The following APBB2 variants were observed in gnomAD, a reference collection of about 807,000 sequenced individuals.
APBB2 encodes amyloid beta precursor protein binding family B member 2, also known as Fe65-like 1.
APBB2 carries 38 observed loss-of-function variants against 82.5 expected under a neutral mutation model. The ratio of observed to expected loss-of-function variants is 0.46; its 90% CI spans 0.36 to 0.60. APBB2 has a LOEUF of 0.60. Ranked by LOEUF, APBB2 falls within the 20% of genes least tolerant of loss-of-function variation. APBB2 has a pLI of 0.00. For synonymous variants in APBB2, 341 were observed against 368.2 expected, an observed-to-expected ratio of 0.93 and a Z score of 0.85; for missense variants, 772 against 972.3, an observed-to-expected ratio of 0.79 and a Z score of 2.74.
intron 2 of APBB2, among the ~76,000 whole-genome samples, chr4:41,121,306 C>T (rs548869742): frequency 2.6e-4 from 39 of 152,320 alleles, no homozygotes; most frequent in African/African-American, 9.1e-4. Context: ...AAATGGAATG[C>T]GTAGAGCTAC....
intron 1 of APBB2, among the ~76,000 whole-genome samples, chr4:41,167,189 A>G (rs1766899512): frequency 6.6e-6 from 1 of 152,226 alleles, no homozygotes; most frequent in Non-Finnish European, 1.5e-5. Flanking sequence ...ACAGTTTCCA[A>G]GCCCTCCTGG....
intron 17 of APBB2, among the ~76,000 whole-genome samples, chr4:40,821,310 T>C (rs189724007): frequency 2.0e-5 from 3 of 152,356 alleles, no homozygotes; most frequent in Admixed American, 6.5e-5. Flanking sequence ...ACCTGGCAGC[T>C]TGGGGCTGAA....
intron 1 of APBB2, among the ~76,000 whole-genome samples, chr4:41,146,402 G>A (rs1200824784): frequency 1.3e-5 from 2 of 151,762 alleles, no homozygotes; most frequent in African/African-American, 4.8e-5. Flanking sequence ...GCTGAAGTGG[G>A]AGGATTGCTT....
At chr4:41,096,366 T>C (rs980792052) in intron 3 of APBB2, among the ~76,000 whole-genome samples, 2 of 152,208 alleles carry the variant, frequency 1.3e-5, no homozygotes, top group African/African-American at 4.8e-5. Flanking sequence ...AGAATTCCTG[T>C]GGACATCAAG....
chr4:41,190,509 A>G (rs1774151357), intron 1 of APBB2, among the ~76,000 whole-genome samples: 1 of 151,968 alleles, frequency 6.6e-6, no homozygotes, highest in Admixed American at 6.6e-5. Flanking sequence ...TCAGCCTCCC[A>G]AAGCTCTGGG....
chr4:41,130,723 C>G (rs1755724888), intron 2 of APBB2, among the ~76,000 whole-genome samples: 1 of 152,136 alleles, frequency 6.6e-6, no homozygotes, highest in Non-Finnish European at 1.5e-5. Flanking sequence ...AGAGGCCAGT[C>G]TCCTCGAGTG....
intron 3 of APBB2, among the ~76,000 whole-genome samples, chr4:41,079,170 T>C (rs1252173017): frequency 2.6e-5 from 4 of 152,242 alleles, no homozygotes; most frequent in Admixed American, 6.5e-5. Flanking sequence ...CTACCCAACA[T>C]AGAACTAATC....
chr4:41,138,371 T>C (rs1224279034), intron 2 of APBB2, among the ~76,000 whole-genome samples: 1 of 152,218 alleles, frequency 6.6e-6, no homozygotes, highest in African/African-American at 2.4e-5. Flanking sequence ...CAGTTTCCCA[T>C]ATTGATGCAA....
chr4:41,113,444 TTG>T (rs1273385205), intron 2 of APBB2, among the ~76,000 whole-genome samples: 2 of 152,110 alleles, frequency 1.3e-5, no homozygotes, highest in Non-Finnish European at 2.9e-5. Flanking sequence ...TTTGACTAAA[TTG>T]TCACTCATCT....
intron 3 of APBB2, among the ~76,000 whole-genome samples, chr4:41,088,552 G>A (rs979825540): frequency 6.6e-6 from 1 of 152,216 alleles, no homozygotes; most frequent in Non-Finnish European, 1.5e-5. Context: ...ATGGAAACTA[G>A]CAAGGAAAGA....
Position 40,825,988 on chromosome 4 carries a change from A to C in APBB2, c.1733-18T>G, listed in dbSNP as rs778901093. 1.4e-5 allele frequency: 23 copies of C among 1,602,630 alleles called. No homozygotes were observed. In the South Asian group the frequency reaches 1.5e-4, roughly 11 times the overall value. On this transcript the variant is annotated intron_variant, in intron 14 of 17. Coordinates refer to ENST00000508593, the MANE Select transcript of APBB2 (RefSeq NM_004307.2). ...AAAATCTACTACAGGGAACAAAAGC[A>C]ACACATCTTTCTCAGTGGTTCCAAC...
At chr4:40,952,005 A>G (rs1790309942) in intron 6 of APBB2, among the ~76,000 whole-genome samples, 1 of 151,914 alleles carries the variant, frequency 6.6e-6, no homozygotes, top group Non-Finnish European at 1.5e-5. Flanking sequence ...TGGCCAACAC[A>G]GTGAAACCTG....
At chr4:40,843,534 C>T (rs1261766421) in intron 12 of APBB2, among the ~76,000 whole-genome samples, 1 of 152,288 alleles carries the variant, frequency 6.6e-6, no homozygotes, top group East Asian at 1.9e-4. Flanking sequence ...ATATAATACC[C>T]GAACTGTCAA....
chr4:41,177,841 T>C (rs1000579977), intron 1 of APBB2, among the ~76,000 whole-genome samples: 5 of 152,214 alleles, frequency 3.3e-5, no homozygotes, highest in Admixed American at 3.3e-4. Flanking sequence ...TTGAGAATAT[T>C]TGCATTATAC....
At chr4:41,125,411 A>G (rs1253996545) in intron 2 of APBB2, among the ~76,000 whole-genome samples, 3 of 152,212 alleles carry the variant, frequency 2.0e-5, no homozygotes, top group Non-Finnish European at 4.4e-5. Flanking sequence ...ACTTCACTTT[A>G]GGTCTCCAGG....
intron 2 of APBB2, among the ~76,000 whole-genome samples, chr4:41,105,854 C>A (rs996239674): frequency 6.6e-6 from 1 of 150,608 alleles, no homozygotes; most frequent in Non-Finnish European, 1.5e-5. Context: ...CCACTGCACT[C>A]CAGCCTGGGC....
intron 6 of APBB2, among the ~76,000 whole-genome samples, chr4:41,006,948 T>C (rs760482897): frequency 3.3e-5 from 5 of 152,188 alleles, no homozygotes; most frequent in African/African-American, 1.2e-4. Context: ...GCCAGTTGTG[T>C]TGACATAATT....
At chr4:40,825,231 G>A (rs745624738) in intron 15 of APBB2, among the ~76,000 whole-genome samples, 2 of 152,162 alleles carry the variant, frequency 1.3e-5, no homozygotes, top group East Asian at 3.8e-4. Flanking sequence ...TTGGGTCTAC[G>A]CCTAGGAACT....
chr4:41,115,655 G>T (rs563745439), intron 2 of APBB2, among the ~76,000 whole-genome samples: 1 of 152,130 alleles, frequency 6.6e-6, no homozygotes, highest in Non-Finnish European at 1.5e-5. Flanking sequence ...GTGGGCAAAG[G>T]ATATGAACAG....
Sources: allele counts gnomAD v4.1 joint callset (sites outside exome capture counted in the v4.1 genomes callset), GRCh38; gene constraint gnomAD v4.1.1; transcripts MANE v1.5; gene names NCBI Gene and HGNC (gene_info 2026-07-23, HGNC 2026-07-21).